The following MAP1S variants were observed in gnomAD, a reference collection of about 807,000 sequenced individuals.
MAP1S encodes the protein microtubule associated protein 1S, also known as microtubule-associated protein 1S.
Under a neutral mutation model 60.9 loss-of-function variants are expected in MAP1S, and 27 were observed. That is an observed-to-expected ratio of 0.44 (90% CI 0.33 to 0.61). The LOEUF is 0.61. Among genes scored for constraint, MAP1S ranks in the 20% least tolerant of loss-of-function variants. MAP1S has a pLI of 0.03. For missense variants in MAP1S, 1,608 were observed against 1,486.6 expected, an observed-to-expected ratio of 1.08 and a Z score of -1.34; for synonymous variants, 826 against 694.2, an observed-to-expected ratio of 1.19 and a Z score of -2.98.
Position 17,726,922 on chromosome 19 carries a change from G to T in MAP1S, c.1538G>T (p.Arg513Leu). The change falls in exon 5 of 7, where the codon CGC (arginine) becomes CTC (leucine). Residue 513 changes from arginine (R) to leucine (L), a missense_variant. Around this residue, in one of 4 missense-constraint regions of MAP1S, gnomAD observed 1,167 missense variants for 961.4 expected, o/e 1.21. Transcript: ENST00000324096. ...GAGCCAGCACGGGCTGAGGCCCCAC[G>T]CAAGACTGAGAAAGAAGCCAAGACC... ...RKEPARAEAP[R>L]KTEKEAKTPR... 1 of 1,566,530 alleles carries T rather than the reference G, an allele frequency of 6.4e-7. No homozygotes were observed. Among genetic ancestry groups the T allele is most frequent in the Non-Finnish European group, 8.6e-7 (1 of 1,156,362 alleles).
At position 17,727,885 on chromosome 19, in the gene MAP1S, T is replaced by C; in HGVS notation, c.2501T>C (p.Leu834Pro). 1 of 1,610,940 alleles carries C rather than the reference T, an allele frequency of 6.2e-7. No individual in the cohort carries two copies. Residue 834 changes from leucine to proline, a missense_variant, in exon 5 of 7, where the codon CTG becomes CCG. Transcript: ENST00000324096. This position sits in a 1 kb window ranked among gnomAD's most constrained non-coding sequence, Gnocchi z 4.1. ...LPDPLKVPPP[L>P]PDPSSICMVD... ...GACCCCCTCAAGGTCCCCCCACCAC[T>C]GCCTGACCCATCCAGCATCTGCATG...
rs755849795 is a variant in MAP1S at position 17,726,364 on chromosome 19, G to C, written c.980G>C (p.Arg327Pro). 2 of 1,597,380 alleles carry C rather than the reference G, an allele frequency of 1.3e-6. No individual in the cohort carries two copies. Among genetic ancestry groups the C allele is most frequent in the Non-Finnish European group, 1.7e-6 (2 of 1,177,668 alleles). ...AGGGSWDDRL[R>P]RLISPNLGVV... ...GGGGGCTCCTGGGACGACAGGCTGC[G>C]CAGGCTCATCTCCCCCAACCTGGGG... Residue 327 changes from arginine to proline, a missense_variant, in exon 5 of 7, where the codon CGC becomes CCC. Transcript: ENST00000324096.
At position 17,727,014 on chromosome 19, in the gene MAP1S, G is replaced by C; in HGVS notation, c.1630G>C (p.Ala544Pro). 6.3e-7 allele frequency: 1 copy of C among 1,590,534 alleles called. No homozygotes were observed. The highest frequency in any genetic ancestry group is 8.5e-7 in the Non-Finnish European group (1 of 1,169,592). ...SRTQPREVRR[A>P]ASSVPNLKKT... ...GACCCAGCCGCGGGAGGTGCGCCGG[G>C]CAGCCTCTTCTGTGCCCAACCTCAA... The change falls in exon 5 of 7, where the codon GCA becomes CCA. Residue 544 changes from alanine to proline, a missense_variant. By Grantham distance (27) the Ala-to-Pro change is conservative. This residue lies in a region of MAP1S where 1,167 missense variants were observed against 961.4 expected (regional missense o/e 1.21). Transcript: ENST00000324096. This position sits in a 1 kb window ranked among gnomAD's most constrained non-coding sequence, Gnocchi z 4.1.
At position 17,727,645 on chromosome 19, in the gene MAP1S, C is replaced by T. The variant is rs780921871; in HGVS notation, c.2261C>T (p.Ala754Val). ...GAGCATCGCAAGGCGGTGCCAATGG[C>T]ACCGGCACCTGCGTCCCCCGGCAGC... ...EFEHRKAVPM[A>V]PAPASPGSSN... The change falls in exon 5 of 7, where the codon GCA becomes GTA. Residue 754 changes from alanine to valine, a missense_variant. Coordinates refer to ENST00000324096, the MANE Select transcript of MAP1S (RefSeq NM_018174.6). The surrounding 1 kb of genome is among the most constrained non-coding windows in gnomAD (Gnocchi z 4.1). 1.2e-6 allele frequency: 2 copies of T among 1,608,412 alleles called. No homozygotes were observed. Among genetic ancestry groups the T allele is most frequent in the East Asian group, 2.2e-5 (1 of 44,830 alleles).
Position 17,724,197 on chromosome 19 carries a change from C to T in MAP1S, c.292C>T (p.Leu98=). ...CCTCCTGAACCCATCAGACAAGTCC[C>T]TGTATGATGAGGTAGGGAATGGCTG... ...LVLLNPSDKS[L]YDELRNLLLD... Residue 98 remains leucine (L), a synonymous_variant, in exon 3 of 7, where the codon CTG becomes TTG. Coordinates refer to ENST00000324096, the MANE Select transcript of MAP1S (RefSeq NM_018174.6). 6.2e-7 allele frequency: 1 copy of T among 1,613,800 alleles called. No individual in the cohort carries two copies. The highest frequency in any genetic ancestry group is 1.3e-5 in the African/African-American group (1 of 75,040).
In MAP1S at chr19:17,726,074, G is replaced by A. The variant is rs116714292; in HGVS notation, c.690G>A (p.Pro230=). The change falls in exon 5 of 7, where the codon CCG becomes CCA. Residue 230 remains proline, a synonymous_variant. Transcript: ENST00000324096. Reference sequence around the variant, plus strand: ...CCCCCTTCGAGCTGCTGGAGCCCCCGACCTCCGGGGGCTTCCTCAGGCTGG... The same window carrying A: ...CCCCCTTCGAGCTGCTGGAGCCCCCAACCTCCGGGGGCTTCCTCAGGCTGG... ...PPSPFELLEP[P]TSGGFLRLGR... 6,294 of 1,613,698 alleles carry A rather than the reference G, an allele frequency of 3.9e-3. 30 individuals carry two copies. Among genetic ancestry groups the A allele is most frequent in the Middle Eastern group, 7.1e-3 (43 of 6,060 alleles).
Position 17,726,538 on chromosome 19 carries a change from T to C in MAP1S, c.1154T>C (p.Phe385Ser). ...GTGCCAGCCAAACCCACCGTGCTCT[T>C]CGAGAAGATGGGCGTGGGCCGGCTG... ...GPVPAKPTVL[F>S]EKMGVGRLDM... The change falls in exon 5 of 7, where the codon TTC becomes TCC. Residue 385 changes from phenylalanine to serine, a missense_variant. Phe to Ser is a radical substitution (Grantham distance 155, BLOSUM62 -2). Coordinates refer to ENST00000324096, the MANE Select transcript of MAP1S (RefSeq NM_018174.6). 2 of 1,571,698 alleles carry C rather than the reference T, an allele frequency of 1.3e-6. No homozygotes were observed. The highest frequency in any genetic ancestry group is 1.7e-6 in the Non-Finnish European group (2 of 1,163,352).
intron 5 of MAP1S, among the ~76,000 whole-genome samples, chr19:17,730,217 T>G (rs900608221): frequency 1.3e-5 from 2 of 152,244 alleles, no homozygotes; most frequent in Non-Finnish European, 2.9e-5. Context: ...GATTTCCATG[T>G]CCCTAATGAT....
intron 2 of MAP1S, among the ~76,000 whole-genome samples, chr19:17,723,209 C>T (rs1309830667): frequency 3.3e-5 from 5 of 152,260 alleles, no homozygotes; most frequent in South Asian, 4.1e-4. Context: ...CGTCCACGTT[C>T]GCCCTCATTG....
Position 17,727,570 on chromosome 19 carries a change from C to T in MAP1S, c.2186C>T (p.Ser729Leu), listed in dbSNP as rs770006076. 11 of 1,607,000 alleles carry T rather than the reference C, an allele frequency of 6.8e-6. No homozygotes were observed. The highest frequency in any genetic ancestry group is 1.3e-5 in the African/African-American group (1 of 74,868). Residue 729 changes from serine (S) to leucine (L), a missense_variant, in exon 5 of 7, where the codon TCG (serine) becomes TTG (leucine). Physicochemically the swap from Ser to Leu is moderately radical, Grantham distance 145 (BLOSUM62 -2). This residue lies in a region of MAP1S where 1,167 missense variants were observed against 961.4 expected (regional missense o/e 1.21). Transcript: ENST00000324096. The surrounding 1 kb of genome is among the most constrained non-coding windows in gnomAD (Gnocchi z 4.1). ...LPLRGPRARR[S>L]ASPHDVDLCL... ...CTGCGTGGCCCCCGGGCGCGGCGCTCGGCTTCCCCACACGATGTGGACCTG... is the reference window on the plus strand; with the variant it reads ...CTGCGTGGCCCCCGGGCGCGGCGCTTGGCTTCCCCACACGATGTGGACCTG...
At position 17,724,353 on chromosome 19, in the gene MAP1S, C is replaced by A. The variant is rs1446471703; in HGVS notation, c.303+145C>A. ...CACTTCTTCGCCCACGAAGCCTTCC[C>A]TGTGGCTTCAGCCTCCGCTTCTTCC... is the stretch of plus-strand genomic sequence containing the variant. On this transcript the variant is annotated intron_variant, in intron 3 of 6. Transcript: ENST00000324096. The A allele has an allele frequency of 6.8e-5, 45 of 662,582 alleles. 2 individuals carry two copies. The highest frequency in any genetic ancestry group is 6.7e-4 in the South Asian group (39 of 58,076). The allele number at this position is 662,582 out of a possible 1,614,324, so 41.0% of individuals were successfully genotyped here. A position where few individuals can be genotyped will look rare whatever the true frequency, so the allele number is the denominator to read the frequency against.
Position 17,734,337 on chromosome 19 carries a change from G to A in MAP1S, c.3089G>A (p.Arg1030Gln), listed in dbSNP as rs373944578. The change falls in exon 7 of 7, where the codon CGG (arginine) becomes CAG (glutamine). Residue 1030 changes from arginine (R) to glutamine (Q), a missense_variant. Physicochemically the swap from Arg to Gln is conservative, Grantham distance 43. Around this residue, in one of 4 missense-constraint regions of MAP1S, gnomAD observed 76 missense variants for 110.1 expected, o/e 0.69. Coordinates refer to ENST00000324096, the MANE Select transcript of MAP1S (RefSeq NM_018174.6). ...ACGTGGTACGCAGAGACGCACGCCC[G>A]GCACCAGGCGCTGGGCATCACGGTG... Reference protein sequence around the residue: ...MHTWYAETHARHQALGITVLG... With the variant: ...MHTWYAETHAQHQALGITVLG... 171 of 1,613,786 alleles carry A rather than the reference G, an allele frequency of 1.1e-4. No homozygotes were observed. Among genetic ancestry groups the A allele is most frequent in the Admixed American group, 3.3e-5 (2 of 59,998 alleles).
rs369214627 is a variant in MAP1S at position 17,726,150 on chromosome 19, T to C, written c.766T>C (p.Phe256Leu). The C allele has an allele frequency of 6.2e-7, 1 of 1,613,860 alleles. No homozygotes were observed. The highest frequency in any genetic ancestry group is 8.5e-7 in the Non-Finnish European group (1 of 1,179,904). Residue 256 changes from phenylalanine to leucine, a missense_variant, in exon 5 of 7, where the codon TTC (phenylalanine) becomes CTC (leucine). By Grantham distance (22) the Phe-to-Leu change is conservative (BLOSUM62 0). Transcript: ENST00000324096. ...FPGGLGDAAFFAVNGFTVLVN... is the reference protein window; with the variant it reads ...FPGGLGDAAFLAVNGFTVLVN... ...TGGAGGCCTCGGGGATGCCGCCTTC[T>C]TCGCCGTCAATGGCTTCACTGTGCT...
In MAP1S at chr19:17,726,884, G is replaced by A. The variant is rs1425868160; in HGVS notation, c.1500G>A (p.Gly500=). 2 of 1,557,384 alleles carry A rather than the reference G, an allele frequency of 1.3e-6. No individual in the cohort carries two copies. Among genetic ancestry groups the A allele is most frequent in the Non-Finnish European group, 1.7e-6 (2 of 1,151,062 alleles). The change falls in exon 5 of 7, where the codon GGG becomes GGA. Residue 500 remains glycine (G), a synonymous_variant. Coordinates refer to ENST00000324096, the MANE Select transcript of MAP1S (RefSeq NM_018174.6). ...THPRPGQERP[G]VARKEPARAE... ...CTAGACCTGGCCAGGAGCGCCCTGG[G>A]GTGGCCCGCAAGGAGCCAGCACGGG...
rs776155424 is a variant in MAP1S, at chr19:17,734,398, C to T, written c.3150C>T (p.Asp1050=). The part of the protein sequence containing the change: ...GSNSMVSMQD[D]AFPACKVEF ...ACAGCATGGTGTCCATGCAGGATGA[C>T]GCCTTCCCGGCCTGCAAGGTGGAGT... Residue 1050 remains aspartate (D), a synonymous_variant, in exon 7 of 7, where the codon GAC becomes GAT. Transcript: ENST00000324096. 4.6e-5 allele frequency: 75 copies of T among 1,612,938 alleles called. No individual in the cohort carries two copies. The highest frequency in any genetic ancestry group is 3.7e-4 in the Admixed American group (22 of 59,990).
In MAP1S at chr19:17,733,179, C is replaced by A; in HGVS notation, c.2789-14C>A. ...CAGGAGCTCATCCCTGCCTCCCCAT[C>A]CCCCCGCCCGCAGGGTCAGCCAGCA... On this transcript the variant is annotated splice_polypyrimidine_tract_variant and intron_variant, in intron 5 of 6. Coordinates refer to ENST00000324096, the MANE Select transcript of MAP1S (RefSeq NM_018174.6). 5 of 1,444,206 alleles carry A rather than the reference C, an allele frequency of 3.5e-6. No individual in the cohort carries two copies. Among genetic ancestry groups the A allele is most frequent in the Non-Finnish European group, 3.8e-6 (4 of 1,064,160 alleles). The allele number at this position is 1,444,206 out of a possible 1,614,324, so 89.5% of individuals were successfully genotyped here.
At position 17,725,006 on chromosome 19, in the gene MAP1S, C is replaced by T; in HGVS notation, c.304-43C>T. 1.9e-6 allele frequency: 3 copies of T among 1,613,822 alleles called. No individual in the cohort carries two copies. Among genetic ancestry groups the T allele is most frequent in the Non-Finnish European group, 2.5e-6 (3 of 1,179,778 alleles). ...CCCCAAAGAGGACTGCTGGATACGT[C>T]ACTGCACAGAACGGGTCCTTTAGTG... is the stretch of plus-strand genomic sequence containing the variant. On this transcript the variant is annotated intron_variant, in intron 3 of 6. Coordinates refer to ENST00000324096, the MANE Select transcript of MAP1S (RefSeq NM_018174.6). The surrounding 1 kb of genome is among the most constrained non-coding windows in gnomAD (Gnocchi z 4.2).
intron 1 of MAP1S, chr19:17,720,020 C>T (rs2080356342): frequency 1.4e-6 from 1 of 690,052 alleles, no homozygotes; most frequent in Non-Finnish European, 1.8e-6. Context: ...AGATAGAGAT[C>T]TCCCGGAGGG....
chr19:17,723,012 C>T (rs1028490279), intron 2 of MAP1S, among the ~76,000 whole-genome samples: 1 of 152,040 alleles, frequency 6.6e-6, no homozygotes, highest in African/African-American at 2.4e-5. Flanking sequence ...TGGCCCTCAC[C>T]GGCCCCCACC....
Sources: allele counts gnomAD v4.1 joint callset (sites outside exome capture counted in the v4.1 genomes callset), GRCh38; gene constraint gnomAD v4.1.1; regional missense constraint gnomAD v4.1.1; non-coding constraint Gnocchi (gnomAD v3.1); transcripts MANE v1.5; gene names NCBI Gene and HGNC (gene_info 2026-07-23, HGNC 2026-07-21).